Variants in FBN2 observed in about 807,000 individuals in gnomAD.
FBN2 encodes the protein fibrillin 2, also known as fibrillin-2.
A neutral mutation model predicts 355.6 loss-of-function variants in FBN2; 105 were observed. That is an observed-to-expected ratio of 0.30 (90% CI 0.25 to 0.35). FBN2 has a LOEUF of 0.35. Ranked by LOEUF, FBN2 falls within the 10% of genes least tolerant of loss-of-function variation. FBN2 has a pLI of 1.00. For missense variants in FBN2, 3,280 were observed against 3,758.7 expected (o/e 0.87, Z 3.33); for synonymous variants, 1,350 against 1,301.2 (o/e 1.04, Z -0.81).
intron 51 of FBN2, among the ~76,000 whole-genome samples, chr5:128,289,561 G>A (rs573721740): frequency 3.6e-4 from 55 of 151,698 alleles, no homozygotes; most frequent in African/African-American, 1.0e-3. Flanking sequence ...GCATTCCAGC[G>A]GGCAACAGAG....
At chr5:128,509,263 T>C (rs1756046652) in intron 5 of FBN2, among the ~76,000 whole-genome samples, 1 of 152,168 alleles carries the variant, frequency 6.6e-6, no homozygotes, top group African/African-American at 2.4e-5. Flanking sequence ...ACTTATGCTC[T>C]CCTACATTCT....
chr5:128,434,019 C>T (rs331081), intron 7 of FBN2, among the ~76,000 whole-genome samples: 19,133 of 151,890 alleles, frequency 0.13, 1,450 homozygotes, highest in Admixed American at 0.25. Context: ...TAGCTGTCTT[C>T]TGGAAGCAGG....
At chr5:128,349,575 A>C in intron 22 of FBN2, 103 bp from the exon 23 acceptor site, 4 of 1,298,630 alleles carry the variant, frequency 3.1e-6, no homozygotes, top group Non-Finnish European at 4.4e-6. Flanking sequence ...ATTCAATACA[A>C]TGTGGATTAT....
At chr5:128,482,184 A>T (rs1755211752) in intron 5 of FBN2, among the ~76,000 whole-genome samples, 1 of 152,136 alleles carries the variant, frequency 6.6e-6, no homozygotes. Context: ...AAATGTGGAT[A>T]TTACCGGTTC....
chr5:128,271,872 A>T, intron 62 of FBN2, 127 bp downstream of exon 62: 1 of 1,089,632 alleles, frequency 9.2e-7, no homozygotes, highest in Non-Finnish European at 1.4e-6. Flanking sequence ...CATCAGTCTT[A>T]AGGACTGGGT....
intron 4 of FBN2, among the ~76,000 whole-genome samples, chr5:128,520,967 G>T (rs1343720203): frequency 1.3e-5 from 2 of 152,136 alleles, no homozygotes; most frequent in African/African-American, 2.4e-5. Context: ...AAAAAATAAA[G>T]ATGGATGGGA....
chr5:128,315,622 A>C (rs577035794), intron 36 of FBN2, among the ~76,000 whole-genome samples: 1 of 152,234 alleles, frequency 6.6e-6, no homozygotes, highest in Non-Finnish European at 1.5e-5. Flanking sequence ...TAATGACTGT[A>C]TTTCTACATC....
chr5:128,448,932 C>G lies in FBN2; in HGVS notation c.827-2326G>C, dbSNP rs147646281. On this transcript the variant is annotated intron_variant, in intron 6 of 64. Coordinates refer to ENST00000262464, the MANE Select transcript of FBN2 (RefSeq NM_001999.4). ...TCTATTAATTTCATCCACATAGGAA[C>G]AGAAATCCTTAGTATTGACATAATA... is the stretch of plus-strand genomic sequence containing the variant. 5.6e-3 allele frequency among the ~76,000 whole-genome samples: 857 copies of G among 151,940 alleles called. 10 individuals carry two copies. Among genetic ancestry groups the G allele is most frequent in the African/African-American group, 0.019 (779 of 41,474 alleles).
intron 5 of FBN2, among the ~76,000 whole-genome samples, chr5:128,480,497 A>G (rs771546281): frequency 3.3e-5 from 5 of 152,174 alleles, no homozygotes; most frequent in Non-Finnish European, 5.9e-5. Context: ...TAGATGTGTG[A>G]ATATCATGAG....
At position 128,344,508 on chromosome 5, in the gene FBN2, T is replaced by C. The variant is rs1218249269; in HGVS notation, c.3220A>G (p.Ile1074Val). 1 of 1,613,732 alleles carries C rather than the reference T, an allele frequency of 6.2e-7. No individual in the cohort carries two copies. The highest frequency in any genetic ancestry group is 8.5e-7 in the Non-Finnish European group (1 of 1,179,774). ...VLTGRPFYKD[I>V]NECKAFPGMC... Reference sequence around the variant, plus strand: ...CCAGGAAATGCTTTGCATTCATTGATGTCTAAAAGCAGAATGAAGCCAGAA... The same window carrying C: ...CCAGGAAATGCTTTGCATTCATTGACGTCTAAAAGCAGAATGAAGCCAGAA... The change falls in exon 25 of 65, where the codon ATC (isoleucine) becomes GTC (valine). Residue 1074 changes from isoleucine (I) to valine (V), a missense_variant and splice_region_variant. Transcript: ENST00000262464.
chr5:128,373,908 T>C (rs536029592), intron 15 of FBN2, among the ~76,000 whole-genome samples: 5 of 152,324 alleles, frequency 3.3e-5, no homozygotes, highest in African/African-American at 1.2e-4. Context: ...CTTCTGCAGC[T>C]AGTTGCATGG....
Position 128,276,070 on chromosome 5 carries a change from T to C in FBN2, c.7562A>G (p.Tyr2521Cys), listed in dbSNP as rs2126807281. The change falls in exon 59 of 65, where the codon TAT (tyrosine) becomes TGT (cysteine). Residue 2521 changes from tyrosine to cysteine, a missense_variant. Tyr to Cys is a radical substitution (Grantham distance 194). Coordinates refer to ENST00000262464, the MANE Select transcript of FBN2 (RefSeq NM_001999.4). The stretch of plus-strand genomic sequence containing the variant: ...TGTCTTTCCATCCTCTTGCAGGACA[T>C]ACCCCCTCGGACATGAACACTGATA... Reference protein sequence around the residue: ...GSYQCSCPRGYVLQEDGKTCK... With the variant: ...GSYQCSCPRGCVLQEDGKTCK... 1.2e-6 allele frequency: 2 copies of C among 1,613,862 alleles called. No homozygotes were observed. Among genetic ancestry groups the C allele is most frequent in the East Asian group, 2.2e-5 (1 of 44,862 alleles).
chr5:128,433,418 A>G (rs917142727), intron 7 of FBN2, among the ~76,000 whole-genome samples: 1 of 152,210 alleles, frequency 6.6e-6, no homozygotes, highest in African/African-American at 2.4e-5. Context: ...TGATTTTGCA[A>G]CATAAGAGGT....
intron 7 of FBN2, among the ~76,000 whole-genome samples, chr5:128,420,914 T>C (rs1014230838): frequency 2.6e-4 from 40 of 152,276 alleles, no homozygotes; most frequent in African/African-American, 8.9e-4. Context: ...TTACCTCAAT[T>C]CAACCATGAG....
At chr5:128,467,417 C>A (rs756632497) in intron 5 of FBN2, among the ~76,000 whole-genome samples, 51 of 152,108 alleles carry the variant, frequency 3.4e-4, no homozygotes, top group Non-Finnish European at 6.2e-4. Flanking sequence ...AACTTACAAT[C>A]TTATCTACTA....
At chr5:128,480,838 G>A (rs1019918881) in intron 5 of FBN2, among the ~76,000 whole-genome samples, 4 of 152,142 alleles carry the variant, frequency 2.6e-5, no homozygotes, top group South Asian at 2.1e-4. Flanking sequence ...TTTCCTATGC[G>A]TTATTTCATT....
At chr5:128,418,258 T>G (rs1042191243) in intron 7 of FBN2, among the ~76,000 whole-genome samples, 4 of 152,136 alleles carry the variant, frequency 2.6e-5, no homozygotes, top group Non-Finnish European at 5.9e-5. Flanking sequence ...CTCTAACTAG[T>G]GGTTTATCAA....
intron 8 of FBN2, among the ~76,000 whole-genome samples, chr5:128,407,740 C>A (rs1290030248): frequency 1.3e-5 from 2 of 152,164 alleles, no homozygotes; most frequent in African/African-American, 4.8e-5. Context: ...CCTACGACTT[C>A]TAGCTTACAT....
At chr5:128,298,069 A>G (rs1433985088) in intron 48 of FBN2, among the ~76,000 whole-genome samples, 1 of 149,434 alleles carries the variant, frequency 6.7e-6, no homozygotes, top group Non-Finnish European at 1.5e-5. Context: ...TTGTCTGTAA[A>G]GTATTTTATT....
Sources: gnomAD v4.1 joint callset for allele counts (sites outside exome capture counted in the v4.1 genomes callset) on GRCh38, gnomAD v4.1.1 for gene constraint, MANE v1.5 for transcripts, NCBI Gene and HGNC (gene_info 2026-07-23, HGNC 2026-07-21) for gene names.